Variants in PRKCB observed in about 807,000 individuals in gnomAD.
PRKCB encodes protein kinase C beta.
A neutral mutation model predicts 81.5 loss-of-function variants in PRKCB; 13 were observed. The ratio of observed to expected loss-of-function variants is 0.16; its 90% CI spans 0.10 to 0.25. The LOEUF (loss-of-function observed/expected upper bound fraction) is 0.25, where lower values mean the gene tolerates loss of function less well. PRKCB is among the 10% of genes least tolerant of loss of function. The pLI is 1.00. For synonymous variants in PRKCB, 335 were observed against 321.4 expected (o/e 1.04, Z -0.45); for missense variants, 509 against 875.7 (o/e 0.58, Z 5.29).
intron 2 of PRKCB, among the ~76,000 whole-genome samples, chr16:23,895,099 A>G (rs1002472093): frequency 6.6e-6 from 1 of 152,078 alleles, no homozygotes; most frequent in Admixed American, 6.5e-5. Flanking sequence ...TTTCTGGTGT[A>G]TTTCATGATC....
Position 23,958,842 on chromosome 16 carries a change from G to A in PRKCB, c.206-29666G>A, listed in dbSNP as rs1272085431. On this transcript the variant is annotated intron_variant, in intron 2 of 16. Transcript: ENST00000643927. ...CAGAAATAGACTGACCTAGTACCAG[G>A]ATCTAGAGGAGTTCAATCAAGTTCG... Among the ~76,000 whole-genome samples, 4 of 151,168 alleles carry A rather than the reference G, an allele frequency of 2.6e-5. No individual in the cohort carries two copies. In the East Asian group the frequency reaches 7.8e-4, roughly 29 times the overall value.
At chr16:23,928,707 T>G (rs921343438) in intron 2 of PRKCB, among the ~76,000 whole-genome samples, 2 of 151,574 alleles carry the variant, frequency 1.3e-5, no homozygotes, top group Non-Finnish European at 3.0e-5. Flanking sequence ...CTAGTGGTTT[T>G]GTTTTGTTTT....
intron 16 of PRKCB, among the ~76,000 whole-genome samples, chr16:24,209,438 T>A (rs1017292960): frequency 3.3e-5 from 5 of 152,142 alleles, no homozygotes; most frequent in African/African-American, 1.2e-4. Context: ...GGGGACTCCT[T>A]GACGTGTCCT....
At chr16:23,864,967 G>T (rs989206137) in intron 2 of PRKCB, among the ~76,000 whole-genome samples, 1 of 151,984 alleles carries the variant, frequency 6.6e-6, no homozygotes, top group Non-Finnish European at 1.5e-5. Flanking sequence ...TTCCCACTTC[G>T]AAGTGAGAAC....
chr16:24,117,443 A>G (rs1190297948), intron 8 of PRKCB, among the ~76,000 whole-genome samples: 1 of 152,182 alleles, frequency 6.6e-6, no homozygotes, highest in African/African-American at 2.4e-5. Context: ...TTATTTGTAT[A>G]ACAAAGTGCT....
At chr16:23,986,175 A>C (rs1041569781) in intron 2 of PRKCB, among the ~76,000 whole-genome samples, 1 of 152,240 alleles carries the variant, frequency 6.6e-6, no homozygotes, top group Admixed American at 6.5e-5. Context: ...TTTGAGGTGT[A>C]CTTGGACTGT....
At chr16:24,030,729 A>AAT (rs1264232503) in intron 3 of PRKCB, among the ~76,000 whole-genome samples, 2 of 150,684 alleles carry the variant, frequency 1.3e-5, no homozygotes, top group African/African-American at 2.5e-5. Context: ...AAAAAAAAAA[A>AAT]AAATTAAAAA....
At position 24,201,898 on chromosome 16, in the gene PRKCB, C is replaced by T. The variant is rs1000947024; in HGVS notation, c.1863+10668C>T. Among the ~76,000 whole-genome samples, 14 of 151,828 alleles carry T rather than the reference C, an allele frequency of 9.2e-5. No homozygotes were observed. The South Asian group carries it at 1.0e-3, about 11-fold the overall frequency. Reference sequence around the variant, plus strand: ...AAAAATACAAAAAATTAGCTGGGCGCGGTGGCGGGCACCTGTAGTCCCAGC... The same window carrying T: ...AAAAATACAAAAAATTAGCTGGGCGTGGTGGCGGGCACCTGTAGTCCCAGC... On this transcript the variant is annotated intron_variant, in intron 16 of 16. Coordinates refer to ENST00000643927, the MANE Select transcript of PRKCB (RefSeq NM_002738.7).
At chr16:23,865,466 C>CATATATAT (rs375074228) in intron 2 of PRKCB, among the ~76,000 whole-genome samples, 6 of 36,012 alleles carry the variant, frequency 1.7e-4, no homozygotes, top group South Asian at 2.1e-3. Flanking sequence ...CAATGCCCGG[C>CATATATAT]ATATATATAT....
At chr16:23,923,779 G>C (rs1963859671) in intron 2 of PRKCB, among the ~76,000 whole-genome samples, 1 of 152,068 alleles carries the variant, frequency 6.6e-6, no homozygotes, top group Non-Finnish European at 1.5e-5. Context: ...ATTATTTCTG[G>C]TCCCAACCAT....
At chr16:24,150,779 T>C (rs1967068548) in intron 9 of PRKCB, among the ~76,000 whole-genome samples, 1 of 152,218 alleles carries the variant, frequency 6.6e-6, no homozygotes. Context: ...CCGCAAAGCC[T>C]ATAATATTTC....
intron 16 of PRKCB, among the ~76,000 whole-genome samples, chr16:24,197,408 A>T (rs73550412): frequency 6.6e-6 from 1 of 152,026 alleles, no homozygotes; most frequent in African/African-American, 2.4e-5. Flanking sequence ...TGGTAGTAGC[A>T]GATGCAAAGG....
chr16:23,865,674 A>G (rs1025346918), intron 2 of PRKCB, among the ~76,000 whole-genome samples: 1 of 150,790 alleles, frequency 6.6e-6, no homozygotes, highest in Non-Finnish European at 1.5e-5. Context: ...AATGTAAGAA[A>G]CAGAGCCCCA....
At chr16:23,858,542 GT>G (rs10591707) in intron 2 of PRKCB, among the ~76,000 whole-genome samples, 67,502 of 150,726 alleles carry the variant, frequency 0.45, 15,193 homozygotes, top group East Asian at 0.61. Flanking sequence ...CCATCAAACT[GT>G]TTTTTTTTTT....
chr16:24,086,419 A>T (rs1966311426), intron 5 of PRKCB, among the ~76,000 whole-genome samples: 1 of 152,210 alleles, frequency 6.6e-6, no homozygotes, highest in Non-Finnish European at 1.5e-5. Context: ...AACCCTGGTT[A>T]GGGCATGTGC....
intron 3 of PRKCB, among the ~76,000 whole-genome samples, chr16:24,013,081 A>G (rs1056657535): frequency 7.2e-5 from 11 of 152,274 alleles, no homozygotes; most frequent in African/African-American, 2.4e-4. Flanking sequence ...ATGCAGGGTT[A>G]AGGGCCCTGG....
At chr16:24,016,163 TA>T (rs1965274740) in intron 3 of PRKCB, among the ~76,000 whole-genome samples, 2 of 152,202 alleles carry the variant, frequency 1.3e-5, no homozygotes, top group African/African-American at 4.8e-5. Context: ...CAGTTAAGGT[TA>T]ACTAGGGATA....
intron 12 of PRKCB, among the ~76,000 whole-genome samples, chr16:24,177,560 G>T (rs575157177): frequency 4.7e-4 from 71 of 152,106 alleles, no homozygotes; most frequent in Non-Finnish European, 8.7e-4. Context: ...TCTGACAGTT[G>T]GTCATACTTA....
chr16:24,042,347 A>G (rs2141862971), intron 5 of PRKCB, among the ~76,000 whole-genome samples: 1 of 151,416 alleles, frequency 6.6e-6, no homozygotes, highest in African/African-American at 2.4e-5. Context: ...ACGCTCACTG[A>G]GGTCCAGAGA....
Sources: gnomAD v4.1 joint callset for allele counts (sites outside exome capture counted in the v4.1 genomes callset) on GRCh38, gnomAD v4.1.1 for gene constraint, MANE v1.5 for transcripts, NCBI Gene and HGNC (gene_info 2026-07-23, HGNC 2026-07-21) for gene names.